PLXNA4: variants seen among roughly 807,000 people sequenced by gnomAD.
PLXNA4 encodes plexin-A4.
A neutral mutation model predicts 191.8 loss-of-function variants in PLXNA4; 44 were observed. The ratio of observed to expected loss-of-function variants is 0.23; its 90% confidence interval spans 0.18 to 0.29. PLXNA4 has a LOEUF of 0.29. PLXNA4 is among the 10% of genes least tolerant of loss of function. PLXNA4 has a pLI of 1.00. For missense variants in PLXNA4, 1,800 were observed against 2,488.8 expected, an observed-to-expected ratio of 0.72 and a Z score of 5.89; for synonymous variants, 1,082 against 1,009.5, an observed-to-expected ratio of 1.07 and a Z score of -1.36.
chr7:132,248,327 C>A (rs1799130495), intron 4 of PLXNA4, among the ~76,000 whole-genome samples: 1 of 152,162 alleles, frequency 6.6e-6, no homozygotes, highest in Non-Finnish European at 1.5e-5. Context: ...AGGGAGCTGA[C>A]ATGCAATTGC....
intron 3 of PLXNA4, among the ~76,000 whole-genome samples, chr7:132,413,422 G>A (rs1013210760): frequency 2.0e-5 from 3 of 152,270 alleles, no homozygotes; most frequent in African/African-American, 7.2e-5. Flanking sequence ...CTGGAGCCAG[G>A]GGGCTGTTTA....
At chr7:132,326,490 G>C (rs1054253914) in intron 3 of PLXNA4, among the ~76,000 whole-genome samples, 2 of 152,034 alleles carry the variant, frequency 1.3e-5, no homozygotes, top group Non-Finnish European at 2.9e-5. Flanking sequence ...CCCCCTCTCT[G>C]TCCTACTCTT....
At chr7:132,178,334 T>A (rs565287418) in intron 20 of PLXNA4, among the ~76,000 whole-genome samples, 1 of 151,888 alleles carries the variant, frequency 6.6e-6, no homozygotes, top group Non-Finnish European at 1.5e-5. Context: ...AAGGTGACAA[T>A]CCTGGGTGGG....
At chr7:132,460,511 C>T (rs1357513206) in intron 3 of PLXNA4, among the ~76,000 whole-genome samples, 1 of 152,140 alleles carries the variant, frequency 6.6e-6, no homozygotes, top group African/African-American at 2.4e-5. Context: ...CATAGGCTTC[C>T]CAGAGGTTCA....
chr7:132,347,988 G>A (rs1342278019), intron 3 of PLXNA4, among the ~76,000 whole-genome samples: 1 of 152,180 alleles, frequency 6.6e-6, no homozygotes, highest in Non-Finnish European at 1.5e-5. Flanking sequence ...TGGGAGAAAG[G>A]ATGAAAGGAA....
chr7:132,190,880 G>A (rs1485385714), intron 14 of PLXNA4, among the ~76,000 whole-genome samples: 1 of 152,206 alleles, frequency 6.6e-6, no homozygotes, highest in Non-Finnish European at 1.5e-5. Flanking sequence ...ACAAAGAGGA[G>A]CCACTGAGCG....
intron 1 of PLXNA4, among the ~76,000 whole-genome samples, chr7:132,509,328 A>G (rs562942348): frequency 4.6e-5 from 7 of 152,314 alleles, no homozygotes; most frequent in African/African-American, 1.7e-4. Context: ...TAGAGGTGGT[A>G]ACAGAGACCT....
chr7:132,260,636 C>A (rs1017232375), intron 4 of PLXNA4, among the ~76,000 whole-genome samples: 5 of 150,120 alleles, frequency 3.3e-5, no homozygotes, highest in African/African-American at 9.9e-5. Context: ...ACCCATGCAA[C>A]AAACTTGCAC....
chr7:132,647,402 C>T (rs1422303369), intron 1 of PLXNA4, among the ~76,000 whole-genome samples: 1 of 152,048 alleles, frequency 6.6e-6, no homozygotes, highest in Non-Finnish European at 1.5e-5. Context: ...CACTCTCAAG[C>T]ACACACTGTC....
chr7:132,339,804 A>G (rs1440312795), intron 3 of PLXNA4, among the ~76,000 whole-genome samples: 2 of 152,190 alleles, frequency 1.3e-5, no homozygotes, highest in Non-Finnish European at 2.9e-5. Context: ...GCCTGTATTC[A>G]GGACTTATTA....
chr7:132,195,622 T>A (rs1237196506), intron 13 of PLXNA4, among the ~76,000 whole-genome samples: 1 of 152,156 alleles, frequency 6.6e-6, no homozygotes, highest in African/African-American at 2.4e-5. Flanking sequence ...GTTTTTCCAA[T>A]ATAATGGGGG....
chr7:132,167,903 A>G (rs55987912), intron 22 of PLXNA4, among the ~76,000 whole-genome samples: 38,930 of 152,048 alleles, frequency 0.26, 7,165 homozygotes, highest in African/African-American at 0.52. Context: ...GTCCTCTGCC[A>G]CCTGATGGCA....
At chr7:132,181,663 C>T (rs772992041) in intron 17 of PLXNA4, 43 bp from the exon 18 acceptor site, 1 of 1,604,710 alleles carries the variant, frequency 6.2e-7, no homozygotes, top group Non-Finnish European at 8.5e-7. Context: ...AGTATCTCCA[C>T]ATACCCACAG....
At chr7:132,559,018 A>G (rs181129936) in intron 1 of PLXNA4, among the ~76,000 whole-genome samples, 26 of 152,274 alleles carry the variant, frequency 1.7e-4, no homozygotes, top group Admixed American at 1.4e-3. Flanking sequence ...GGTGGCGTCA[A>G]CTGCTCTATT....
intron 4 of PLXNA4, among the ~76,000 whole-genome samples, chr7:132,288,451 T>A (rs1365146495): frequency 6.6e-6 from 1 of 152,082 alleles, no homozygotes; most frequent in Admixed American, 6.5e-5. Flanking sequence ...TCCAGACAAA[T>A]GGGAAGGCTC....
intron 2 of PLXNA4, among the ~76,000 whole-genome samples, chr7:132,590,409 A>G (rs1303231714): frequency 6.6e-6 from 1 of 152,236 alleles, no homozygotes; most frequent in African/African-American, 2.4e-5. Flanking sequence ...TCACACGATC[A>G]CAAAGTGAAG....
intron 23 of PLXNA4, among the ~76,000 whole-genome samples, 198 bp downstream of exon 23, chr7:132,164,936 A>C (rs549080539): frequency 6.6e-6 from 1 of 152,348 alleles, no homozygotes; most frequent in Admixed American, 6.5e-5. Flanking sequence ...AGCCTTGGGA[A>C]GACTGTGTCT....
At chr7:132,325,886 A>T (rs1802338806) in intron 3 of PLXNA4, among the ~76,000 whole-genome samples, 1 of 152,206 alleles carries the variant, frequency 6.6e-6, no homozygotes. Context: ...TACAGCAGGC[A>T]GCGGATTCCA....
At chr7:132,183,396 C>CT (rs750251779) in intron 16 of PLXNA4, among the ~76,000 whole-genome samples, 94 of 152,282 alleles carry the variant, frequency 6.2e-4, no homozygotes, top group Middle Eastern at 6.8e-3. Flanking sequence ...ACCCAGGTGG[C>CT]TTATAAGAGC....
Sources: gnomAD v4.1 joint callset for allele counts (sites outside exome capture counted in the v4.1 genomes callset) on GRCh38, gnomAD v4.1.1 for gene constraint, MANE v1.5 for transcripts, NCBI Gene and HGNC (gene_info 2026-07-23, HGNC 2026-07-21) for gene names.